SGCZ: variants seen among roughly 807,000 people sequenced by gnomAD.
SGCZ encodes zeta-sarcoglycan.
In SGCZ, 40 loss-of-function variants were observed where a neutral mutation model predicts 41.3. The ratio of observed to expected loss-of-function variants is 0.97; its 90% CI spans 0.75 to 1.26. The LOEUF is 1.26. Among genes scored for constraint, SGCZ ranks in the 50% most tolerant of loss-of-function variants. The pLI is 0.00. For missense variants in SGCZ, 552 were observed against 369.8 expected (o/e 1.49, Z -4.04); for synonymous variants, 206 against 137.5 (o/e 1.50, Z -3.49).
chr8:14,800,055 A>T (rs1437068046), intron 1 of SGCZ, among the ~76,000 whole-genome samples: 2 of 152,128 alleles, frequency 1.3e-5, no homozygotes, highest in Non-Finnish European at 2.9e-5. Context: ...CTATTCCAAA[A>T]CCATTATGTA....
chr8:14,357,742 A>C (rs966703422), intron 2 of SGCZ, among the ~76,000 whole-genome samples: 31 of 152,162 alleles, frequency 2.0e-4, no homozygotes, highest in Non-Finnish European at 3.5e-4. Flanking sequence ...TAACATTATG[A>C]TCTCTAATTT....
intron 4 of SGCZ, among the ~76,000 whole-genome samples, chr8:14,230,307 G>C (rs139005411): frequency 3.4e-4 from 51 of 152,206 alleles, no homozygotes; most frequent in African/African-American, 1.2e-3. Context: ...GTATAGAGTA[G>C]TACACATGCA....
chr8:14,433,863 C>T (rs531630999), intron 2 of SGCZ, among the ~76,000 whole-genome samples: 2 of 152,152 alleles, frequency 1.3e-5, no homozygotes, highest in Non-Finnish European at 2.9e-5. Flanking sequence ...CAGGCAACAA[C>T]TGTTTGAGAA....
chr8:14,978,824 G>T (rs1027424789), intron 1 of SGCZ, among the ~76,000 whole-genome samples: 1 of 151,982 alleles, frequency 6.6e-6, no homozygotes, highest in African/African-American at 2.4e-5. Context: ...TTTGAGATGG[G>T]GTCTCAGTCT....
At chr8:14,629,695 A>G (rs10108196) in intron 1 of SGCZ, among the ~76,000 whole-genome samples, 103,074 of 151,922 alleles carry the variant, frequency 0.68, 35,145 homozygotes, top group East Asian at 0.78. Context: ...AATGCTTTCA[A>G]TGGGATGTGT....
At chr8:14,976,782 C>T (rs553818650) in intron 1 of SGCZ, among the ~76,000 whole-genome samples, 1 of 152,278 alleles carries the variant, frequency 6.6e-6, no homozygotes, top group East Asian at 1.9e-4. Context: ...CTCTACAATT[C>T]ATGAATTACA....
intron 1 of SGCZ, among the ~76,000 whole-genome samples, chr8:15,174,319 T>C (rs1056172219): frequency 5.9e-5 from 9 of 152,218 alleles, no homozygotes; most frequent in Non-Finnish European, 1.2e-4. Context: ...ATTCTGTCAA[T>C]TGACTTCAGT....
At chr8:14,684,900 C>A (rs987389919) in intron 1 of SGCZ, among the ~76,000 whole-genome samples, 4 of 152,060 alleles carry the variant, frequency 2.6e-5, no homozygotes, top group African/African-American at 9.7e-5. Context: ...CTGTGCAGGT[C>A]GTAATTCCTG....
chr8:14,126,976 TG>T (rs1184341347), intron 5 of SGCZ, among the ~76,000 whole-genome samples: 1 of 151,308 alleles, frequency 6.6e-6, no homozygotes, highest in Admixed American at 6.6e-5. Context: ...TGGGGCCATC[TG>T]GGGGGTCAGG....
intron 3 of SGCZ, among the ~76,000 whole-genome samples, chr8:14,322,614 T>C (rs979875536): frequency 6.6e-6 from 1 of 152,100 alleles, no homozygotes; most frequent in African/African-American, 2.4e-5. Context: ...TAAAATTTTG[T>C]TCCCACGTAG....
intron 2 of SGCZ, among the ~76,000 whole-genome samples, chr8:14,426,073 C>T (rs1033162926): frequency 2.0e-5 from 3 of 152,006 alleles, no homozygotes; most frequent in Non-Finnish European, 4.4e-5. Context: ...AGTGAAGACA[C>T]ATTATTTGTT....
At chr8:14,394,908 A>G (rs146489960) in intron 2 of SGCZ, among the ~76,000 whole-genome samples, 66 of 152,310 alleles carry the variant, frequency 4.3e-4, no homozygotes, top group African/African-American at 1.5e-3. Context: ...TATCAAGAAC[A>G]CAATTGTCTG....
intron 1 of SGCZ, among the ~76,000 whole-genome samples, chr8:15,007,405 A>G (rs1802643856): frequency 6.6e-6 from 1 of 152,242 alleles, no homozygotes; most frequent in Admixed American, 6.5e-5. Flanking sequence ...TCAGCATTGT[A>G]GTTCTCTAAA....
chr8:15,219,950 G>T (rs924175931), intron 1 of SGCZ, among the ~76,000 whole-genome samples: 1 of 152,082 alleles, frequency 6.6e-6, no homozygotes, highest in African/African-American at 2.4e-5. Context: ...GTTGTAAAAA[G>T]AATAGAGAAA....
At chr8:14,310,277 G>A (rs770978047) in intron 3 of SGCZ, among the ~76,000 whole-genome samples, 7 of 151,952 alleles carry the variant, frequency 4.6e-5, no homozygotes, top group Non-Finnish European at 7.4e-5. Context: ...TGTAACATTG[G>A]TGAAGGATCC....
intron 1 of SGCZ, among the ~76,000 whole-genome samples, chr8:15,216,778 C>G (rs1271230252): frequency 6.6e-6 from 1 of 152,002 alleles, no homozygotes; most frequent in Non-Finnish European, 1.5e-5. Flanking sequence ...GATGGAGTTA[C>G]AAACAGAAGA....
chr8:14,484,065 A>T (rs1330906965), intron 2 of SGCZ, among the ~76,000 whole-genome samples: 1 of 151,380 alleles, frequency 6.6e-6, no homozygotes, highest in Non-Finnish European at 1.5e-5. Flanking sequence ...TAGACATCAC[A>T]TGTTACTTTA....
chr8:15,156,986 G>T (rs1218382084), intron 1 of SGCZ, among the ~76,000 whole-genome samples: 1 of 147,816 alleles, frequency 6.8e-6, no homozygotes, highest in Non-Finnish European at 1.5e-5. Context: ...AAAGAGAAAA[G>T]AAAGCAAGCA....
chr8:14,375,271 A>C (rs1804073132), intron 2 of SGCZ, among the ~76,000 whole-genome samples: 1 of 152,220 alleles, frequency 6.6e-6, no homozygotes, highest in Admixed American at 6.5e-5. Flanking sequence ...GCTGTTTTTA[A>C]AGCAAGAAAC....
Sources: allele counts gnomAD v4.1 joint callset (sites outside exome capture counted in the v4.1 genomes callset), GRCh38; gene constraint gnomAD v4.1.1; transcripts MANE v1.5; gene names NCBI Gene and HGNC (gene_info 2026-07-23, HGNC 2026-07-21).